Variants in CDK13 observed in about 807,000 individuals in gnomAD.
The protein encoded by CDK13 is cyclin dependent kinase 13.
Under a neutral mutation model 137.6 loss-of-function variants are expected in CDK13, and 40 were observed. That is an observed-to-expected ratio of 0.29 (90% CI 0.23 to 0.38). CDK13 has a LOEUF of 0.38. Among genes scored for constraint, CDK13 ranks in the 10% least tolerant of loss-of-function variants. The pLI is 1.00. For synonymous variants in CDK13, 869 were observed against 760.1 expected (o/e 1.14, Z -2.36); for missense variants, 1,704 against 1,951.8 (o/e 0.87, Z 2.39).
intron 7 of CDK13, among the ~76,000 whole-genome samples, chr7:40,055,572 ATTT>A (rs1202058166): frequency 7.0e-5 from 9 of 128,618 alleles, no homozygotes; most frequent in Admixed American, 1.6e-4. Flanking sequence ...AGGATTCTGG[ATTT>A]TTTTTTTTTT....
At chr7:40,089,658 C>T (rs1220858929) in intron 12 of CDK13, among the ~76,000 whole-genome samples, 2 of 150,404 alleles carry the variant, frequency 1.3e-5, no homozygotes, top group East Asian at 3.9e-4. Flanking sequence ...TTAACACCAT[C>T]TTTAGTTGAA....
At chr7:39,990,092 T>A (rs1158329502) in intron 2 of CDK13, among the ~76,000 whole-genome samples, 2 of 152,160 alleles carry the variant, frequency 1.3e-5, no homozygotes, top group Non-Finnish European at 2.9e-5. Flanking sequence ...CCTACTTTAT[T>A]CTTCATGTAT....
At chr7:40,063,819 A>C (rs1226746818) in intron 9 of CDK13, among the ~76,000 whole-genome samples, 1 of 151,638 alleles carries the variant, frequency 6.6e-6, no homozygotes, top group East Asian at 2.0e-4. Context: ...CACCATGCCC[A>C]GCTAATTTTT....
chr7:39,990,281 T>G (rs527687148), intron 2 of CDK13, among the ~76,000 whole-genome samples: 21 of 152,314 alleles, frequency 1.4e-4, no homozygotes, highest in Admixed American at 5.2e-4. Context: ...TCCCCCTTTT[T>G]GTTGTCTCTT....
In CDK13 at chr7:40,024,645, GTTTTTTTTTTT is replaced by G. The variant is rs58010602; in HGVS notation, c.2354-21168_2354-21158del. Among the ~76,000 whole-genome samples, 90 of 50,280 alleles carry G rather than the reference GTTTTTTTTTTT, an allele frequency of 1.8e-3. 1 individual carries two copies. The highest frequency in any genetic ancestry group is 6.0e-3 in the Admixed American group (20 of 3,350). The allele number at this position is 50,280 out of a possible 152,430, so 33.0% of individuals were successfully genotyped here. Reference sequence around the variant, plus strand: ...TCTTCCAAGATATCTGTAGCTCTGTGTTTTTTTTTTTTTTTTTTTTTTTTTTTTTTTTTCCT... The same window carrying G: ...TCTTCCAAGATATCTGTAGCTCTGTGTTTTTTTTTTTTTTTTTTTTTTCCT... On this transcript the variant is annotated intron_variant, in intron 5 of 13. Transcript: ENST00000181839.
chr7:39,989,086 CAAAAAAAA>C (rs1213730855), intron 2 of CDK13, among the ~76,000 whole-genome samples: 1 of 46,680 alleles, frequency 2.1e-5, no homozygotes, highest in African/African-American at 9.3e-5. Flanking sequence ...CGTGTCTCAC[CAAAAAAAA>C]AAAAAAAAAA....
intron 1 of CDK13, among the ~76,000 whole-genome samples, chr7:39,960,479 A>G (rs947154892): frequency 4.6e-5 from 7 of 151,862 alleles, no homozygotes; most frequent in Non-Finnish European, 7.4e-5. Context: ...GGATGGTCTT[A>G]ATCTCCTGAC....
chr7:40,039,677 C>G (rs551733665), intron 5 of CDK13, among the ~76,000 whole-genome samples: 252 of 152,110 alleles, frequency 1.7e-3, no homozygotes, highest in African/African-American at 4.8e-3. Context: ...AGTGATCCAC[C>G]TGCCTCAGCC....
At chr7:40,020,997 A>G (rs979795925) in intron 5 of CDK13, among the ~76,000 whole-genome samples, 3 of 151,904 alleles carry the variant, frequency 2.0e-5, no homozygotes, top group African/African-American at 4.8e-5. Context: ...AGGCTGAGGC[A>G]GGAGAATCAC....
chr7:40,088,224 C>T lies in CDK13; in HGVS notation c.3128C>T (p.Pro1043Leu), dbSNP rs746685934. The T allele has an allele frequency of 2.5e-6, 4 of 1,613,902 alleles. No homozygotes were observed. In the Admixed American group the frequency reaches 6.7e-5, roughly 27 times the overall value. The change falls in exon 12 of 14, where the codon CCC (proline) becomes CTC (leucine). Residue 1043 changes from proline to leucine, a missense_variant. By Grantham distance (98) the Pro-to-Leu change is moderately conservative. Around this residue, in one of 5 missense-constraint regions of CDK13, gnomAD observed 475 missense variants for 579.3 expected, o/e 0.82. Coordinates refer to ENST00000181839, the MANE Select transcript of CDK13 (RefSeq NM_003718.5). ...MTDDVSTIKA[P>L]RKDLSLGLDD... The stretch of plus-strand genomic sequence containing the variant: ...GATGATGTTTCCACAATTAAAGCCC[C>T]CAGGAAGGACTTGTCTCTGGGCTTG...
chr7:40,013,049 G>A (rs1562728099), intron 5 of CDK13, among the ~76,000 whole-genome samples: 1 of 152,166 alleles, frequency 6.6e-6, no homozygotes, highest in African/African-American at 2.4e-5. Context: ...GCAAAATGTG[G>A]TGTGTACCTA....
intron 11 of CDK13, among the ~76,000 whole-genome samples, chr7:40,085,967 A>G (rs1288810907): frequency 2.0e-5 from 3 of 152,020 alleles, no homozygotes; most frequent in East Asian, 1.9e-4. Context: ...CCACCAACCT[A>G]TCCCCTTGCC....
chr7:39,992,562 C>G (rs1446273537), intron 2 of CDK13, among the ~76,000 whole-genome samples: 1 of 151,770 alleles, frequency 6.6e-6, no homozygotes, highest in African/African-American at 2.4e-5. Context: ...GGTCAGTCTC[C>G]TGCTTGATCA....
chr7:39,979,939 T>G (rs944426703), intron 1 of CDK13, among the ~76,000 whole-genome samples: 22 of 152,260 alleles, frequency 1.4e-4, no homozygotes, highest in Non-Finnish European at 5.9e-5. Context: ...CTGTGGAAGC[T>G]GGAAAAGGCA....
chr7:40,031,472 A>C (rs1432191577), intron 5 of CDK13, among the ~76,000 whole-genome samples: 4 of 152,056 alleles, frequency 2.6e-5, no homozygotes. Flanking sequence ...CAGTGAGCCG[A>C]GATCATGCCA....
At chr7:39,972,748 A>C (rs192365771) in intron 1 of CDK13, among the ~76,000 whole-genome samples, 2 of 152,208 alleles carry the variant, frequency 1.3e-5, no homozygotes, top group Admixed American at 1.3e-4. Flanking sequence ...CTATTTTTTT[A>C]ATGCTGCTAT....
chr7:39,992,624 AAAT>A (rs1289777125), intron 2 of CDK13, among the ~76,000 whole-genome samples: 7 of 151,904 alleles, frequency 4.6e-5, no homozygotes, highest in Non-Finnish European at 8.8e-5. Flanking sequence ...TAACAGAAAT[AAAT>A]AATAATATCA....
At position 40,064,957 on chromosome 7, in the gene CDK13, A is replaced by ATT. The variant is rs56710188; in HGVS notation, c.2780+1890_2780+1891dup. ...CAGGCATGCACCACCATGCTGGGTG[A>ATT]TTTTTTTTTTTTTTTTTTTTTTTTT... On this transcript the variant is annotated intron_variant, in intron 9 of 13. Transcript: ENST00000181839. Among the ~76,000 whole-genome samples, 169 of 46,134 alleles carry ATT rather than the reference A, an allele frequency of 3.7e-3. 7 individuals are homozygous for ATT. The highest frequency in any genetic ancestry group is 4.8e-3 in the Non-Finnish European group (122 of 25,174). 30.3% of individuals were successfully genotyped at this position (46,134 alleles called of 152,430 possible). A position where few individuals can be genotyped will look rare whatever the true frequency, so the allele number is the denominator to read the frequency against.
At position 40,096,840 on chromosome 7, in the gene CDK13, A is replaced by G. The variant is rs558581543; in HGVS notation, c.*1860A>G. 3 of 152,268 alleles carry G rather than the reference A, an allele frequency of 2.0e-5. No individual in the cohort carries two copies. Among genetic ancestry groups the G allele is most frequent in the Admixed American group, 6.5e-5 (1 of 15,288 alleles). 9.4% of individuals were successfully genotyped at this position (152,268 alleles called of 1,614,324 possible). A position where few individuals can be genotyped will look rare whatever the true frequency, so the allele number is the denominator to read the frequency against. On this transcript the variant is annotated 3_prime_UTR_variant, in exon 14 of 14. Coordinates refer to ENST00000181839, the MANE Select transcript of CDK13 (RefSeq NM_003718.5). ...TTGGGAGAAAGAAATGAATGGAAGA[A>G]AAAAATATGTTGCTTTTATTTGAAT... is the stretch of plus-strand genomic sequence containing the variant.
Sources: gnomAD v4.1 joint callset for allele counts (sites outside exome capture counted in the v4.1 genomes callset) on GRCh38, gnomAD v4.1.1 for gene constraint, gnomAD v4.1.1 regional missense constraint, MANE v1.5 for transcripts, NCBI Gene and HGNC (gene_info 2026-07-23, HGNC 2026-07-21) for gene names.